The following RNF149 variants were observed in gnomAD, a reference collection of about 807,000 sequenced individuals.
RNF149 encodes E3 ubiquitin-protein ligase RNF149.
Under a neutral mutation model 39.0 loss-of-function variants are expected in RNF149, and 21 were observed. That is an observed-to-expected ratio of 0.54 (90% CI 0.38 to 0.77). The LOEUF (loss-of-function observed/expected upper bound fraction) is 0.77. Ranked by LOEUF, RNF149 falls within the 30% of genes least tolerant of loss-of-function variation. The probability of loss-of-function intolerance (pLI) is 0.00; values close to 1 mark genes in which losing one functional copy is unlikely to be tolerated. For missense variants in RNF149, 493 were observed against 534.9 expected, an observed-to-expected ratio of 0.92 and a Z score of 0.77; for synonymous variants, 209 against 213.6, an observed-to-expected ratio of 0.98 and a Z score of 0.19.
chr2:101,273,012 C>T, downstream of RNF149: 1 of 1,352,660 alleles, frequency 7.4e-7, no homozygotes, highest in East Asian at 4.5e-5. Context: ...CTGATGGAGA[C>T]ACTGCAATTC....
chr2:101,272,858 A>G (rs1682180072), downstream of RNF149: 1 of 958,624 alleles, frequency 1.0e-6, no homozygotes, highest in Non-Finnish European at 1.5e-6. Context: ...CTGAAGGTCT[A>G]TTATTATTTT....
rs118080858 is a variant in RNF149, at chr2:101,283,391, C to T, written c.961-1334G>A. 2.4e-4 allele frequency among the ~76,000 whole-genome samples: 36 copies of T among 152,324 alleles called. 1 individual carries two copies. The East Asian group carries it at 6.5e-3, about 28-fold the overall frequency. On this transcript the variant is annotated intron_variant, in intron 5 of 6. Transcript: ENST00000295317. ...TTAGATGTCATTTCTTTGACCCATC[C>T]TTGCCAAATGAATGAAAACAAGTGA...
At chr2:101,304,326 T>C (rs1243720037) in intron 1 of RNF149, among the ~76,000 whole-genome samples, 1 of 152,102 alleles carries the variant, frequency 6.6e-6, no homozygotes. Context: ...GAGTCCAGGA[T>C]GCAGAGGTTG....
intron 6 of RNF149, among the ~76,000 whole-genome samples, chr2:101,279,667 A>T (rs1410918136): frequency 2.0e-5 from 3 of 152,218 alleles, no homozygotes; most frequent in African/African-American, 7.2e-5. Flanking sequence ...TACACAGATC[A>T]ATCGCTACAA....
chr2:101,286,261 T>A (rs1682789266), intron 4 of RNF149, 84 bp from the exon 5 acceptor site: 1 of 745,754 alleles, frequency 1.3e-6, no homozygotes, highest in Admixed American at 2.2e-5. Context: ...TACCAACTCA[T>A]CCTCTCATTA....
downstream of RNF149, among the ~76,000 whole-genome samples, chr2:101,275,552 C>G (rs902312021): frequency 2.1e-5 from 3 of 139,538 alleles, no homozygotes; most frequent in African/African-American, 8.0e-5. Context: ...CGCCATTCTC[C>G]TGCCTCAGCC....
At chr2:101,293,909 T>C (rs1683114647) in intron 3 of RNF149, 105 bp downstream of exon 3, 2 of 663,432 alleles carry the variant, frequency 3.0e-6, no homozygotes, top group African/African-American at 1.9e-5. Flanking sequence ...TAGAAGGCCC[T>C]TCTCAATGAC....
At chr2:101,279,714 T>C (rs1682499534) in intron 6 of RNF149, among the ~76,000 whole-genome samples, 1 of 152,220 alleles carries the variant, frequency 6.6e-6, no homozygotes, top group East Asian at 1.9e-4. Flanking sequence ...CCTTTTTTTG[T>C]TCCACAATGC....
chr2:101,307,177 T>C (rs1346028575), intron 1 of RNF149, among the ~76,000 whole-genome samples: 1 of 152,180 alleles, frequency 6.6e-6, no homozygotes, highest in Non-Finnish European at 1.5e-5. Flanking sequence ...GCCTGGCAAA[T>C]AGCAAGGTCT....
At chr2:101,274,869 C>T (rs997920642), downstream of RNF149, among the ~76,000 whole-genome samples, 5 of 152,208 alleles carry the variant, frequency 3.3e-5, no homozygotes, top group Non-Finnish European at 5.9e-5. Flanking sequence ...TCACCGCAAC[C>T]TCTGCCTCCC....
rs115569851 is a variant in RNF149 at position 101,295,230 on chromosome 2, C to G, written c.461-49G>C. On this transcript the variant is annotated intron_variant, in intron 1 of 6. Transcript: ENST00000295317. ...AATGTGAAGAACACAAAATAAGATA[C>G]AGAGAACATTAAATTAAATATAAGG... 4.7e-6 allele frequency: 7 copies of G among 1,492,338 alleles called. No individual in the cohort carries two copies. In the African/African-American group the frequency reaches 9.8e-5, roughly 21 times the overall value. 92.4% of individuals were successfully genotyped at this position (1,492,338 alleles called of 1,614,324 possible).
chr2:101,275,111 GTTTTTTT>G (rs1165388203), downstream of RNF149, among the ~76,000 whole-genome samples: 1 of 51,056 alleles, frequency 2.0e-5, no homozygotes, highest in African/African-American at 8.7e-5. Flanking sequence ...TAGTATTTCT[GTTTTTTT>G]TTTTTTTTTT....
chr2:101,274,607 G>A (rs1682260423), downstream of RNF149, among the ~76,000 whole-genome samples: 1 of 152,204 alleles, frequency 6.6e-6, no homozygotes, highest in East Asian at 1.9e-4. Context: ...AGGAGACACA[G>A]CCCAAGGGCT....
rs1682337715 is a variant in RNF149, at chr2:101,276,176, A to G, written c.*1062T>C. 7.1e-6 allele frequency: 7 copies of G among 980,550 alleles called. No homozygotes were observed. Among genetic ancestry groups the G allele is most frequent in the Non-Finnish European group, 8.5e-6 (7 of 825,610 alleles). 60.7% of individuals were successfully genotyped at this position (980,550 alleles called of 1,614,324 possible). ...AGGAAAGACTATAATTCCACACTCT[A>G]AAAAATAACTGCCTCATACTCGACT... On this transcript the variant is annotated 3_prime_UTR_variant, in exon 7 of 7. Transcript: ENST00000295317.
chr2:101,292,435 A>C (rs1270918385), intron 3 of RNF149, among the ~76,000 whole-genome samples: 1 of 152,162 alleles, frequency 6.6e-6, no homozygotes, highest in Non-Finnish European at 1.5e-5. Flanking sequence ...TGATTCAGTA[A>C]ATTAAACATA....
In RNF149 at chr2:101,275,927, G is replaced by C; in HGVS notation, c.*1311C>G. On this transcript the variant is annotated 3_prime_UTR_variant, in exon 7 of 7. Coordinates refer to ENST00000295317, the MANE Select transcript of RNF149 (RefSeq NM_173647.4). ...GCGAAATACATTTTCTACTTCAATAGCTCCTCATACTGCATCTGTCTGTAG... is the reference window on the plus strand; with the variant it reads ...GCGAAATACATTTTCTACTTCAATACCTCCTCATACTGCATCTGTCTGTAG... 1 of 984,862 alleles carries C rather than the reference G, an allele frequency of 1.0e-6. No individual in the cohort carries two copies. The highest frequency in any genetic ancestry group is 1.2e-6 in the Non-Finnish European group (1 of 829,462). 61.0% of individuals were successfully genotyped at this position (984,862 alleles called of 1,614,324 possible). A position where few individuals can be genotyped will look rare whatever the true frequency, so the allele number is the denominator to read the frequency against.
At chr2:101,301,868 C>G (rs1161553635) in intron 1 of RNF149, among the ~76,000 whole-genome samples, 1 of 152,192 alleles carries the variant, frequency 6.6e-6, no homozygotes, top group African/African-American at 2.4e-5. Flanking sequence ...TTTCAACATT[C>G]TCTTGAAGGA....
chr2:101,302,455 G>C (rs934540209), intron 1 of RNF149, among the ~76,000 whole-genome samples: 1 of 152,068 alleles, frequency 6.6e-6, no homozygotes, highest in East Asian at 1.9e-4. Flanking sequence ...GGACCCCAAC[G>C]TAAGTGCAAT....
Position 101,276,962 on chromosome 2 carries a change from T to A in RNF149, c.*276A>T. On this transcript the variant is annotated 3_prime_UTR_variant, in exon 7 of 7. Transcript: ENST00000295317. Reference sequence around the variant, plus strand: ...ATTTAGAAACACCACCTGTCCTTTATATTAGAGTACCTGCCCCAGTTGTCT... The same window carrying A: ...ATTTAGAAACACCACCTGTCCTTTAAATTAGAGTACCTGCCCCAGTTGTCT... 1 of 1,161,364 alleles carries A rather than the reference T, an allele frequency of 8.6e-7. No individual in the cohort carries two copies. Among genetic ancestry groups the A allele is most frequent in the East Asian group, 5.2e-5 (1 of 19,168 alleles). The allele number at this position is 1,161,364 out of a possible 1,614,324, so 71.9% of individuals were successfully genotyped here. A position where few individuals can be genotyped will look rare whatever the true frequency, so the allele number is the denominator to read the frequency against.
Sources: allele counts gnomAD v4.1 joint callset (sites outside exome capture counted in the v4.1 genomes callset), GRCh38; gene constraint gnomAD v4.1.1; transcripts MANE v1.5; gene names NCBI Gene and HGNC (gene_info 2026-07-23, HGNC 2026-07-21).